Variants in COL18A1 observed in about 807,000 individuals in gnomAD.
COL18A1 encodes collagen type XVIII alpha 1 chain.
A neutral mutation model predicts 168.0 loss-of-function variants in COL18A1; 133 were observed. The ratio of observed to expected loss-of-function variants is 0.79; its 90% CI spans 0.69 to 0.91. COL18A1 has a LOEUF of 0.91. Ranked by LOEUF, COL18A1 falls within the 40% of genes least tolerant of loss-of-function variation. The pLI, the probability that COL18A1 is intolerant of heterozygous loss-of-function variation, is 0.00. For missense variants in COL18A1, 2,126 were observed against 1,925.4 expected, an observed-to-expected ratio of 1.10 and a Z score of -1.95; for synonymous variants, 949 against 809.0, an observed-to-expected ratio of 1.17 and a Z score of -2.94.
intron 32 of COL18A1, among the ~76,000 whole-genome samples, chr21:45,502,034 T>C (rs9789841): frequency 0.02 from 470 of 23,340 alleles, 67 homozygotes; most frequent in African/African-American, 0.068. Context: ...AGAAGGACCC[T>C]CAGGGGCCTC....
intron 32 of COL18A1, 172 bp from the exon 33 acceptor site, chr21:45,503,838 CA>C (rs1281177225): frequency 4.4e-6 from 2 of 457,484 alleles, no homozygotes; most frequent in East Asian, 7.2e-5. Flanking sequence ...GCACCATTAA[CA>C]AAAACATCAG....
At chr21:45,439,979 G>A (rs533640595) in intron 2 of COL18A1, among the ~76,000 whole-genome samples, 88 of 152,352 alleles carry the variant, frequency 5.8e-4, no homozygotes, top group South Asian at 2.9e-3. Flanking sequence ...CTGGTGCCCC[G>A]ACTCCGCACC....
intron 39 of COL18A1, 112 bp downstream of exon 39, chr21:45,509,713 TG>T: frequency 1.3e-6 from 1 of 754,890 alleles, no homozygotes; most frequent in Non-Finnish European, 2.3e-6. Context: ...CGGCCATGGG[TG>T]GGGGTCTGGC....
intron 26 of COL18A1, 45 bp downstream of exon 26, chr21:45,493,620 G>T: frequency 7.0e-7 from 1 of 1,422,862 alleles, no homozygotes; most frequent in Non-Finnish European, 9.7e-7. Context: ...GGGGCTCCTG[G>T]GGCTGTGGAG....
chr21:45,451,513 C>T (rs2034621788), intron 2 of COL18A1, among the ~76,000 whole-genome samples: 1 of 152,214 alleles, frequency 6.6e-6, no homozygotes. Context: ...GTTGGCGAGC[C>T]ATGCTCTTCC....
chr21:45,491,414 TCAGGA>T, intron 22 of COL18A1, 100 bp downstream of exon 22: 1 of 626,870 alleles, frequency 1.6e-6, no homozygotes, highest in Non-Finnish European at 2.8e-6. Context: ...ATCCCCCAGG[TCAGGA>T]CAGGCCCTGA....
intron 32 of COL18A1, among the ~76,000 whole-genome samples, chr21:45,497,985 C>T (rs1175416404): frequency 6.6e-6 from 1 of 152,222 alleles, no homozygotes; most frequent in Admixed American, 6.5e-5. Context: ...TGCCCCCTCC[C>T]CTCCACGGGG....
In COL18A1 at chr21:45,418,751, T is replaced by C. The variant is rs879428922; in HGVS notation, c.106+13278T>C. Among the ~76,000 whole-genome samples the C allele has an allele frequency of 3.3e-5, 5 of 152,146 alleles. 1 individual carries two copies. The highest frequency in any genetic ancestry group is 7.4e-5 in the Non-Finnish European group (5 of 68,004). Reference sequence around the variant, plus strand: ...CCTGGGGTCTCAGGGCAGCGGCACCTCCTCAGGGGCCTCCAAGGCTGTCTC... The same window carrying C: ...CCTGGGGTCTCAGGGCAGCGGCACCCCCTCAGGGGCCTCCAAGGCTGTCTC... On this transcript the variant is annotated intron_variant, in intron 2 of 41. Coordinates refer to ENST00000651438, the MANE Select transcript of COL18A1 (RefSeq NM_001379500.1).
chr21:45,461,481 G>C (rs1468747653), intron 2 of COL18A1, among the ~76,000 whole-genome samples: 3 of 152,136 alleles, frequency 2.0e-5, no homozygotes, highest in Non-Finnish European at 4.4e-5. Context: ...CAGATGGCCT[G>C]CACCATTAGG....
chr21:45,491,131 G>A, intron 21 of COL18A1, 94 bp from the exon 22 acceptor site: 1 of 1,156,424 alleles, frequency 8.6e-7, no homozygotes, highest in Non-Finnish European at 1.3e-6. Flanking sequence ...CACCCACCGT[G>A]GGCTCTGGGC....
At position 45,466,680 on chromosome 21, in the gene COL18A1, G is replaced by C. The variant is rs556097703; in HGVS notation, c.107-1562G>C. ...CCCAGGAGCTTCGTGGAGAGGAGAC[G>C]GGACAGCTTTGGAAAGGGCGTTGCT... On this transcript the variant is annotated intron_variant, in intron 2 of 41. Transcript: ENST00000651438. Among the ~76,000 whole-genome samples, 9 of 152,322 alleles carry C rather than the reference G, an allele frequency of 5.9e-5. No homozygotes were observed. In the South Asian group the frequency reaches 1.9e-3, roughly 32 times the overall value.
At chr21:45,465,299 T>C (rs538859845) in intron 2 of COL18A1, among the ~76,000 whole-genome samples, 2 of 152,108 alleles carry the variant, frequency 1.3e-5, no homozygotes, top group South Asian at 2.1e-4. Context: ...GGTGGAGAGA[T>C]TGAATGTTGT....
intron 21 of COL18A1, 45 bp from the exon 22 acceptor site, chr21:45,491,180 A>G (rs762821853): frequency 2.0e-5 from 30 of 1,517,838 alleles, no homozygotes; most frequent in Non-Finnish European, 2.6e-5. Context: ...GGTCCTGGCC[A>G]GAGCGGTTGA....
At position 45,492,675 on chromosome 21, in the gene COL18A1, C is replaced by G. The variant is rs760021131; in HGVS notation, c.2188-12C>G. On this transcript the variant is annotated splice_polypyrimidine_tract_variant and intron_variant, in intron 23 of 41. Transcript: ENST00000651438. ...GTGATGACCCCAGCTGACGCCGTCC[C>G]TCTTTCCCCAGGGCCGGCCGGGTTT... is the stretch of plus-strand genomic sequence containing the variant. 7 of 1,611,796 alleles carry G rather than the reference C, an allele frequency of 4.3e-6. No individual in the cohort carries two copies. The South Asian group carries it at 7.7e-5, about 18-fold the overall frequency.
At chr21:45,480,551 G>C in intron 12 of COL18A1, 31 bp downstream of exon 12, 1 of 1,614,010 alleles carries the variant, frequency 6.2e-7, no homozygotes. Context: ...AGCGCTGCCC[G>C]ATGTCTGTGC....
At chr21:45,456,774 T>C (rs2034840352) in intron 2 of COL18A1, 5 of 1,540,904 alleles carry the variant, frequency 3.2e-6, no homozygotes, top group East Asian at 2.5e-5. Flanking sequence ...TGCGAGGCCC[T>C]GCAGGATGCG....
At chr21:45,505,583 A>C (rs940205978) in intron 36 of COL18A1, 152 bp downstream of exon 36, 1 of 679,534 alleles carries the variant, frequency 1.5e-6, no homozygotes, top group African/African-American at 1.8e-5. Flanking sequence ...GGGCCAGGCC[A>C]TGGGGGAATC....
chr21:45,446,214 C>T (rs913297445), intron 2 of COL18A1, among the ~76,000 whole-genome samples: 1 of 152,208 alleles, frequency 6.6e-6, no homozygotes, highest in Non-Finnish European at 1.5e-5. Flanking sequence ...TCTCGACATT[C>T]TTGTCAAACA....
In COL18A1 at chr21:45,505,129, C is replaced by G; in HGVS notation, c.2869-5C>G. ...CCAGGAAGCGTCTCTTGTCGCCGTC[C>G]GTAGGGTCCCAAGGGAGAGAGCATC... is the stretch of plus-strand genomic sequence containing the variant. On this transcript the variant is annotated splice_region_variant and splice_polypyrimidine_tract_variant and intron_variant, in intron 34 of 41. Coordinates refer to ENST00000651438, the MANE Select transcript of COL18A1 (RefSeq NM_001379500.1). 1 of 1,608,304 alleles carries G rather than the reference C, an allele frequency of 6.2e-7. No individual in the cohort carries two copies. The highest frequency in any genetic ancestry group is 8.5e-7 in the Non-Finnish European group (1 of 1,178,628).
Sources: allele counts gnomAD v4.1 joint callset (sites outside exome capture counted in the v4.1 genomes callset), GRCh38; gene constraint gnomAD v4.1.1; transcripts MANE v1.5; gene names NCBI Gene and HGNC (gene_info 2026-07-23, HGNC 2026-07-21).